Variants in PPP2R2C observed in about 807,000 individuals in gnomAD.
PPP2R2C encodes the protein protein phosphatase 2 regulatory subunit Bgamma.
In PPP2R2C, 10 loss-of-function variants were observed where a neutral mutation model predicts 45.3. The observed-to-expected ratio is 0.22, with a 90% confidence interval of 0.14 to 0.37. The LOEUF (loss-of-function observed/expected upper bound fraction) is 0.37. Ranked by LOEUF, PPP2R2C falls within the 10% of genes least tolerant of loss-of-function variation. The pLI is 1.00. For synonymous variants in PPP2R2C, 257 were observed against 245.4 expected (o/e 1.05, Z -0.44); for missense variants, 308 against 619.7 (o/e 0.50, Z 5.34).
At chr4:6,333,458 C>CT in intron 7 of PPP2R2C, 104 bp downstream of exon 7, 1 of 1,316,798 alleles carries the variant, frequency 7.6e-7, no homozygotes, top group Non-Finnish European at 1.0e-6. Context: ...CACCTACATA[C>CT]CGGGCATATG....
intron 2 of PPP2R2C, among the ~76,000 whole-genome samples, chr4:6,516,644 C>T (rs1158823560): frequency 6.6e-6 from 1 of 152,234 alleles, no homozygotes; most frequent in South Asian, 2.1e-4. Context: ...ATTAGAACAG[C>T]ATGGACCCTG....
chr4:6,493,109 G>A (rs4689012), intron 2 of PPP2R2C, among the ~76,000 whole-genome samples: 49,659 of 151,692 alleles, frequency 0.33, 9,375 homozygotes, highest in East Asian at 0.75. Flanking sequence ...TGCAAGCCTC[G>A]GCCCCTCACT....
chr4:6,460,095 G>C (rs1022481209), intron 1 of PPP2R2C, among the ~76,000 whole-genome samples: 2 of 152,114 alleles, frequency 1.3e-5, no homozygotes, highest in South Asian at 4.2e-4. Flanking sequence ...AAAATACATA[G>C]AAGAAGCATG....
intron 2 of PPP2R2C, among the ~76,000 whole-genome samples, chr4:6,533,941 T>G (rs1724491676): frequency 6.6e-6 from 1 of 151,000 alleles, no homozygotes; most frequent in South Asian, 2.1e-4. Context: ...TACACATCAA[T>G]AAGCTCACCA....
intron 5 of PPP2R2C, among the ~76,000 whole-genome samples, chr4:6,356,433 G>T (rs1407714197): frequency 1.3e-5 from 2 of 152,210 alleles, no homozygotes; most frequent in Admixed American, 6.5e-5. Flanking sequence ...CTGGGACTCA[G>T]TTGGGCTCCA....
At position 6,511,472 on chromosome 4, in the gene PPP2R2C, T is replaced by C. The variant is rs558329050; in HGVS notation, c.49+23799A>G. On this transcript the variant is annotated intron_variant, in intron 2 of 9. Coordinates refer to the PPP2R2C transcript ENST00000506140. ...GTGGTGGTGATGATGACGGTGGTGG[T>C]GGTGATGGCGGTGTTGGTGGTGATG... Among the ~76,000 whole-genome samples, 88 of 134,216 alleles carry C rather than the reference T, an allele frequency of 6.6e-4. 1 individual carries two copies. Among genetic ancestry groups the C allele is most frequent in the Middle Eastern group, 4.1e-3 (1 of 246 alleles). 88.1% of individuals were successfully genotyped at this position (134,216 alleles called of 152,430 possible).
intron 2 of PPP2R2C, among the ~76,000 whole-genome samples, chr4:6,485,201 T>A (rs549962380): frequency 6.6e-6 from 1 of 151,976 alleles, no homozygotes; most frequent in African/African-American, 2.4e-5. Context: ...ATATGGTAAA[T>A]TACATTGATA....
At chr4:6,432,773 T>C in intron 1 of PPP2R2C, among the ~76,000 whole-genome samples, 1 of 152,242 alleles carries the variant, frequency 6.6e-6, no homozygotes, top group South Asian at 2.1e-4. Context: ...AAAAAATCTT[T>C]AGGCTTTCAG....
At chr4:6,375,690 G>A (rs777045722) in intron 4 of PPP2R2C, 129 bp downstream of exon 4, 238 of 747,364 alleles carry the variant, frequency 3.2e-4, no homozygotes, top group Non-Finnish European at 5.1e-4. Context: ...GCCCGTGGCC[G>A]CCCAGCAGCC....
chr4:6,479,112 A>G (rs1410302765), intron 2 of PPP2R2C, among the ~76,000 whole-genome samples: 1 of 152,216 alleles, frequency 6.6e-6, no homozygotes, highest in Admixed American at 6.5e-5. Context: ...TTACAAATGA[A>G]CAAACCGCAC....
intron 1 of PPP2R2C, among the ~76,000 whole-genome samples, chr4:6,434,887 C>T (rs1180875779): frequency 6.6e-6 from 1 of 151,964 alleles, no homozygotes; most frequent in African/African-American, 2.4e-5. Flanking sequence ...TTATGTAAAC[C>T]ATCTCCTCAT....
chr4:6,530,472 G>A (rs974830886), intron 2 of PPP2R2C, among the ~76,000 whole-genome samples: 1 of 152,176 alleles, frequency 6.6e-6, no homozygotes, highest in African/African-American at 2.4e-5. Context: ...CATCCCTGGT[G>A]TCCTCCTTAC....
At chr4:6,343,958 C>T (rs1711572042) in intron 6 of PPP2R2C, among the ~76,000 whole-genome samples, 1 of 152,258 alleles carries the variant, frequency 6.6e-6, no homozygotes, top group Non-Finnish European at 1.5e-5. Flanking sequence ...CTTAGTACAT[C>T]ACAGGCAGCC....
chr4:6,345,913 G>A lies in PPP2R2C; in HGVS notation c.790+1933C>T, dbSNP rs1026915473. 2.0e-5 allele frequency among the ~76,000 whole-genome samples: 3 copies of A among 152,134 alleles called. No homozygotes were observed. Among genetic ancestry groups the A allele is most frequent in the Non-Finnish European group, 4.4e-5 (3 of 68,018 alleles). On this transcript the variant is annotated intron_variant, in intron 6 of 8. Transcript: ENST00000382599. The surrounding 1 kb of genome is among the most constrained non-coding windows in gnomAD (Gnocchi z 5.3). ...GGCATTACTGCCTGGATATCTGGCT[G>A]CCTACTCGACCCATTTCCTTGGAAC...
At chr4:6,351,813 CA>C (rs1712586609) in intron 5 of PPP2R2C, among the ~76,000 whole-genome samples, 1 of 152,182 alleles carries the variant, frequency 6.6e-6, no homozygotes, top group African/African-American at 2.4e-5. Flanking sequence ...CAGCACCCTT[CA>C]CGGTGTGGGC....
At chr4:6,387,720 G>A (rs1716313671) in intron 1 of PPP2R2C, among the ~76,000 whole-genome samples, 1 of 151,836 alleles carries the variant, frequency 6.6e-6, no homozygotes, top group Non-Finnish European at 1.5e-5. Context: ...GGCTGAGGCA[G>A]GAGAATTGCT....
intron 6 of PPP2R2C, among the ~76,000 whole-genome samples, chr4:6,334,423 T>G (rs1427053480): frequency 6.6e-6 from 1 of 152,130 alleles, no homozygotes; most frequent in South Asian, 2.1e-4. Flanking sequence ...ACCTGGACAA[T>G]TATAGACTGG....
In PPP2R2C at chr4:6,495,734, G is replaced by A. The variant is rs76999861; in HGVS notation, c.49+39537C>T. Among the ~76,000 whole-genome samples, 1,183 of 152,338 alleles carry A rather than the reference G, an allele frequency of 7.8e-3. 16 individuals are homozygous for A. The highest frequency in any genetic ancestry group is 0.026 in the African/African-American group (1,088 of 41,578). ...GGCGCTTTGAAACAGAACTGCTGCC[G>A]GGAGGGAGAGGAGGCTCTTCGGCTG... On this transcript the variant is annotated intron_variant, in intron 2 of 9. Transcript: ENST00000506140.
intron 2 of PPP2R2C, among the ~76,000 whole-genome samples, chr4:6,497,172 C>T (rs1188901602): frequency 5.3e-5 from 8 of 152,112 alleles, no homozygotes; most frequent in Non-Finnish European, 1.2e-4. Flanking sequence ...GCAGGACACC[C>T]AGCAGCAGGG....
Sources: gnomAD v4.1 joint callset for allele counts (sites outside exome capture counted in the v4.1 genomes callset) on GRCh38, gnomAD v4.1.1 for gene constraint, Gnocchi (gnomAD v3.1) non-coding constraint, MANE v1.5 for transcripts, NCBI Gene and HGNC (gene_info 2026-07-23, HGNC 2026-07-21) for gene names.